MAP3K4: variants seen among roughly 807,000 people sequenced by gnomAD.
MAP3K4 encodes the protein mitogen-activated protein kinase kinase kinase 4.
A neutral mutation model predicts 185.6 loss-of-function variants in MAP3K4; 67 were observed. That is an observed-to-expected ratio of 0.36 (90% confidence interval 0.30 to 0.44). The LOEUF (loss-of-function observed/expected upper bound fraction) is 0.44, where lower values mean the gene tolerates loss of function less well. Among genes scored for constraint, MAP3K4 ranks in the 20% least tolerant of loss-of-function variants. The pLI is 1.00. For synonymous variants in MAP3K4, 702 were observed against 710.4 expected (o/e 0.99, Z 0.19); for missense variants, 1,551 against 1,995.1 (o/e 0.78, Z 4.24).
At position 161,107,786 on chromosome 6, in the gene MAP3K4, A is replaced by G. The variant is rs772224073; in HGVS notation, c.4049-113A>G. 3.1e-5 allele frequency: 23 copies of G among 732,050 alleles called. No homozygotes were observed. The highest frequency in any genetic ancestry group is 2.3e-4 in the South Asian group (12 of 52,130). 45.3% of individuals were successfully genotyped at this position (732,050 alleles called of 1,614,324 possible). ...ATAGTAAACTGCAGTAAACATAATT[A>G]TAGATATATAAATATACGTCCAAAA... is the stretch of plus-strand genomic sequence containing the variant. On this transcript the variant is annotated intron_variant, in intron 20 of 26. Coordinates refer to ENST00000392142, the MANE Select transcript of MAP3K4 (RefSeq NM_005922.4). This position sits in a 1 kb window ranked among gnomAD's most constrained non-coding sequence, Gnocchi z 6.2.
At chr6:161,085,175 T>G (rs1399340375) in intron 7 of MAP3K4, among the ~76,000 whole-genome samples, 4 of 151,958 alleles carry the variant, frequency 2.6e-5, no homozygotes, top group Admixed American at 6.5e-5. Context: ...GATAAAGAGA[T>G]AAAGTTGACT....
intron 1 of MAP3K4, 124 bp downstream of exon 1, chr6:160,992,207 C>T (rs899483678): frequency 4.5e-6 from 6 of 1,327,760 alleles, no homozygotes; most frequent in South Asian, 3.3e-5. Flanking sequence ...TCTCTGCAGG[C>T]TGGGGCGGGA....
At position 161,088,287 on chromosome 6, in the gene MAP3K4, C is replaced by T. The variant is rs1785843003; in HGVS notation, c.2823+333C>T. On this transcript the variant is annotated intron_variant, in intron 10 of 26. Coordinates refer to ENST00000392142, the MANE Select transcript of MAP3K4 (RefSeq NM_005922.4). This position sits in a 1 kb window ranked among gnomAD's most constrained non-coding sequence, Gnocchi z 4.5. ...ATTTGTAGTTCTAGAAATCCCAGTT[C>T]TCCAAGTACTCAGGTTTACTGGTTA... Among the ~76,000 whole-genome samples the T allele has an allele frequency of 1.3e-5, 2 of 152,146 alleles. 1 individual carries two copies. Among genetic ancestry groups the T allele is most frequent in the South Asian group, 4.2e-4 (2 of 4,816 alleles).
chr6:161,001,445 C>T (rs531714360), intron 1 of MAP3K4, among the ~76,000 whole-genome samples: 14 of 152,148 alleles, frequency 9.2e-5, no homozygotes, highest in Middle Eastern at 3.4e-3. Context: ...ACATTTCCCC[C>T]GCTTCCCCCC....
Position 161,086,735 on chromosome 6 carries a change from T to C in MAP3K4, c.2556+68T>C. ...TTCTTTATTCTAAAACAGGCAGACT[T>C]TTTCTTGAAGGTCCAGATAGTAAAT... On this transcript the variant is annotated intron_variant, in intron 9 of 26. Transcript: ENST00000392142. This position sits in a 1 kb window ranked among gnomAD's most constrained non-coding sequence, Gnocchi z 4.8. The C allele has an allele frequency of 7.6e-7, 1 of 1,316,610 alleles. No homozygotes were observed. Among genetic ancestry groups the C allele is most frequent in the Admixed American group, 1.9e-5 (1 of 52,798 alleles). 81.6% of individuals were successfully genotyped at this position (1,316,610 alleles called of 1,614,324 possible).
rs978705842 is a variant in MAP3K4, at chr6:161,110,925, A to G, written c.4397-911A>G. 1.3e-5 allele frequency among the ~76,000 whole-genome samples: 2 copies of G among 152,162 alleles called. No individual in the cohort carries two copies. Among genetic ancestry groups the G allele is most frequent in the African/African-American group, 4.8e-5 (2 of 41,436 alleles). ...TCCTCAGTCTCTGTCCACTGTCACAAAATGGTGTTTGCACGTTTGTTCCGT... is the reference window on the plus strand; with the variant it reads ...TCCTCAGTCTCTGTCCACTGTCACAGAATGGTGTTTGCACGTTTGTTCCGT... On this transcript the variant is annotated intron_variant, in intron 23 of 26. Transcript: ENST00000392142. This position sits in a 1 kb window ranked among gnomAD's most constrained non-coding sequence, Gnocchi z 4.8.
In MAP3K4 at chr6:161,087,944, G is replaced by A. The variant is rs189782740; in HGVS notation, c.2813G>A (p.Arg938Lys). ...VPQVETVDTLRSMQVDNLLLV... is the reference protein window; with the variant it reads ...VPQVETVDTLKSMQVDNLLLV... The stretch of plus-strand genomic sequence containing the variant: ...CAGGTGGAGACTGTTGACACCCTGA[G>A]AAGCATGCAGGTACAGCTCATCTCC... Residue 938 changes from arginine (R) to lysine (K), a missense_variant, in exon 10 of 27, where the codon AGA becomes AAA. Around this residue, in one of 16 missense-constraint regions of MAP3K4, gnomAD observed 261 missense variants for 306.5 expected, o/e 0.85. Coordinates refer to ENST00000392142, the MANE Select transcript of MAP3K4 (RefSeq NM_005922.4). This position sits in a 1 kb window ranked among gnomAD's most constrained non-coding sequence, Gnocchi z 4.9. The A allele has an allele frequency of 1.7e-5, 27 of 1,612,606 alleles. No homozygotes were observed. The Admixed American group carries it at 4.2e-4, about 25-fold the overall frequency.
chr6:161,058,564 C>G (rs1784344525), intron 3 of MAP3K4, among the ~76,000 whole-genome samples: 5 of 152,118 alleles, frequency 3.3e-5, no homozygotes, highest in South Asian at 4.1e-4. Flanking sequence ...TTTTTGAAGT[C>G]CCTGTCCTCT....
intron 2 of MAP3K4, among the ~76,000 whole-genome samples, chr6:161,041,091 G>C (rs1470183121): frequency 6.6e-6 from 1 of 152,228 alleles, no homozygotes; most frequent in East Asian, 1.9e-4. Flanking sequence ...GGTAGGAGAA[G>C]GCCAAGGTGG....
In MAP3K4 at chr6:161,076,335, G is replaced by C. The variant is rs1785176244; in HGVS notation, c.2097+2723G>C. 6.6e-6 allele frequency among the ~76,000 whole-genome samples: 1 copy of C among 152,200 alleles called. No homozygotes were observed. The highest frequency in any genetic ancestry group is 2.4e-5 in the African/African-American group (1 of 41,458). ...TACCGCAGCCTTCTCTGGTTGTCAG[G>C]AAGACTGCCGAATGGGAGCTCTCTT... On this transcript the variant is annotated intron_variant, in intron 5 of 26. Transcript: ENST00000392142. The surrounding 1 kb of genome is among the most constrained non-coding windows in gnomAD (Gnocchi z 4.2).
In MAP3K4 at chr6:161,107,917, A is replaced by C. The variant is rs780348277; in HGVS notation, c.4067A>C (p.Lys1356Thr). 6.2e-7 allele frequency: 1 copy of C among 1,614,008 alleles called. No individual in the cohort carries two copies. Among genetic ancestry groups the C allele is most frequent in the East Asian group, 2.2e-5 (1 of 44,888 alleles). ...GNKIGEGQYG[K>T]VYTCISVDTG... Reference sequence around the variant, plus strand: ...TTCACAGGAGAAGGCCAGTATGGGAAGGTGTACACCTGCATCAGCGTCGAC... The same window carrying C: ...TTCACAGGAGAAGGCCAGTATGGGACGGTGTACACCTGCATCAGCGTCGAC... The change falls in exon 21 of 27, where the codon AAG (lysine) becomes ACG (threonine). Residue 1356 changes from lysine to threonine, a missense_variant. By Grantham distance (78) the Lys-to-Thr change is moderately conservative (BLOSUM62 -1). Coordinates refer to ENST00000392142, the MANE Select transcript of MAP3K4 (RefSeq NM_005922.4). The surrounding 1 kb of genome is among the most constrained non-coding windows in gnomAD (Gnocchi z 6.2).
intron 1 of MAP3K4, among the ~76,000 whole-genome samples, chr6:161,014,167 A>G (rs142990084): frequency 6.6e-6 from 1 of 152,306 alleles, no homozygotes; most frequent in African/African-American, 2.4e-5. Context: ...CTTTATGCAA[A>G]ATGCTCTCAT....
At chr6:161,069,706 T>C (rs757764624) in intron 3 of MAP3K4, among the ~76,000 whole-genome samples, 1 of 152,132 alleles carries the variant, frequency 6.6e-6, no homozygotes, top group South Asian at 2.1e-4. Flanking sequence ...GAAGTGAAAG[T>C]CCTTGCCCTC....
Position 161,101,796 on chromosome 6 carries a change from C to T in MAP3K4, c.3675-96C>T. 1 of 1,011,192 alleles carries T rather than the reference C, an allele frequency of 9.9e-7. No homozygotes were observed. Among genetic ancestry groups the T allele is most frequent in the Non-Finnish European group, 1.5e-6 (1 of 669,556 alleles). The allele number at this position is 1,011,192 out of a possible 1,614,324, so 62.6% of individuals were successfully genotyped here. A position where few individuals can be genotyped will look rare whatever the true frequency, so the allele number is the denominator to read the frequency against. On this transcript the variant is annotated intron_variant, in intron 17 of 26. Transcript: ENST00000392142. This position sits in a 1 kb window ranked among gnomAD's most constrained non-coding sequence, Gnocchi z 5.1. ...AGTTGTTCCTGGCAGGCAGAGTTGCCCCCAGTTGAGAATTATTGCTCTAGA... is the reference window on the plus strand; with the variant it reads ...AGTTGTTCCTGGCAGGCAGAGTTGCTCCCAGTTGAGAATTATTGCTCTAGA...
chr6:161,087,726 T>G lies in MAP3K4; in HGVS notation c.2595T>G (p.Val865=), dbSNP rs1033829202. 3 of 1,614,084 alleles carry G rather than the reference T, an allele frequency of 1.9e-6. No individual in the cohort carries two copies. In the African/African-American group the frequency reaches 4.0e-5, roughly 22 times the overall value. The change falls in exon 10 of 27, where the codon GTT becomes GTG. Residue 865 remains valine (V), a synonymous_variant. Coordinates refer to ENST00000392142, the MANE Select transcript of MAP3K4 (RefSeq NM_005922.4). This position sits in a 1 kb window ranked among gnomAD's most constrained non-coding sequence, Gnocchi z 4.9. The part of the protein sequence containing the change: ...IPGLENLQMF[V]PDTLAEEKSI... Reference sequence around the variant, plus strand: ...GGTTAGAAAACTTGCAAATGTTTGTTCCAGACACTCTTGCTGAGGAGAAGA... The same window carrying G: ...GGTTAGAAAACTTGCAAATGTTTGTGCCAGACACTCTTGCTGAGGAGAAGA...
intron 1 of MAP3K4, among the ~76,000 whole-genome samples, chr6:161,010,206 G>A (rs1009264469): frequency 2.0e-5 from 3 of 151,994 alleles, no homozygotes; most frequent in Admixed American, 6.6e-5. Flanking sequence ...ATTTATCCCC[G>A]AAGTGCCTGG....
At chr6:160,994,121 T>C (rs2115027060) in intron 1 of MAP3K4, among the ~76,000 whole-genome samples, 1 of 151,298 alleles carries the variant, frequency 6.6e-6, no homozygotes, top group African/African-American at 2.4e-5. Flanking sequence ...AAATGCCACC[T>C]CTTTTTTTTT....
intron 1 of MAP3K4, among the ~76,000 whole-genome samples, chr6:161,002,090 TTCTC>T (rs1209648458): frequency 1.4e-5 from 2 of 145,408 alleles, no homozygotes; most frequent in Non-Finnish European, 3.0e-5. Context: ...CTTTTCCAGA[TTCTC>T]TCTCTTACTT....
chr6:161,016,451 A>G (rs1318744068), intron 1 of MAP3K4, among the ~76,000 whole-genome samples: 2 of 152,114 alleles, frequency 1.3e-5, no homozygotes, highest in Non-Finnish European at 2.9e-5. Context: ...GCTTTACCCC[A>G]GTTTTCTCTT....
Sources: gnomAD v4.1 joint callset for allele counts (sites outside exome capture counted in the v4.1 genomes callset) on GRCh38, gnomAD v4.1.1 for gene constraint, gnomAD v4.1.1 regional missense constraint, Gnocchi (gnomAD v3.1) non-coding constraint, MANE v1.5 for transcripts, NCBI Gene and HGNC (gene_info 2026-07-23, HGNC 2026-07-21) for gene names.